MGAT4C: variants seen among roughly 807,000 people sequenced by gnomAD.
MGAT4C encodes alpha-1,3-mannosyl-glycoprotein 4-beta-N-acetylglucosaminyltransferase C.
MGAT4C carries 19 observed loss-of-function variants against 40.1 expected under a neutral mutation model. That is an observed-to-expected ratio of 0.47 (90% CI 0.33 to 0.70). The LOEUF (loss-of-function observed/expected upper bound fraction) is 0.70, where lower values mean the gene tolerates loss of function less well. Among genes scored for constraint, MGAT4C ranks in the 30% least tolerant of loss-of-function variants. The probability of loss-of-function intolerance (pLI) is 0.02; values close to 1 mark genes in which losing one functional copy is unlikely to be tolerated. For synonymous variants in MGAT4C, 181 were observed against 187.1 expected, an observed-to-expected ratio of 0.97 and a Z score of 0.27; for missense variants, 491 against 563.2, an observed-to-expected ratio of 0.87 and a Z score of 1.30.
intron 1 of MGAT4C, among the ~76,000 whole-genome samples, chr12:86,084,983 T>C (rs1019965317): frequency 4.6e-5 from 7 of 152,078 alleles, no homozygotes; most frequent in Admixed American, 2.6e-4. Flanking sequence ...CTGGGTCTGA[T>C]AGACGTTGGT....
intron 3 of MGAT4C, among the ~76,000 whole-genome samples, chr12:86,416,255 T>C (rs1193075465): frequency 6.6e-6 from 1 of 152,046 alleles, no homozygotes; most frequent in African/African-American, 2.4e-5. Flanking sequence ...GGAAAAAATG[T>C]GATAAGCTTT....
intron 1 of MGAT4C, among the ~76,000 whole-genome samples, chr12:86,745,827 C>G (rs1951144588): frequency 6.6e-6 from 1 of 151,646 alleles, no homozygotes; most frequent in Non-Finnish European, 1.5e-5. Context: ...AATACCCCCA[C>G]ATGAATCAAT....
intron 4 of MGAT4C, among the ~76,000 whole-genome samples, chr12:86,305,490 T>A (rs1953914175): frequency 6.7e-6 from 1 of 149,900 alleles, no homozygotes; most frequent in East Asian, 2.0e-4. Flanking sequence ...GTTTTGATTA[T>A]GGGAATAAAG....
chr12:86,570,943 A>T (rs2136421579), intron 2 of MGAT4C, among the ~76,000 whole-genome samples: 1 of 152,046 alleles, frequency 6.6e-6, no homozygotes, highest in African/African-American at 2.4e-5. Flanking sequence ...ACTCCCAAGT[A>T]CCTGGAATTA....
intron 3 of MGAT4C, among the ~76,000 whole-genome samples, chr12:86,397,119 C>T (rs1310454396): frequency 2.0e-5 from 3 of 152,012 alleles, no homozygotes; most frequent in Non-Finnish European, 4.4e-5. Context: ...GGAACATTTG[C>T]CTTTATAGCA....
intron 2 of MGAT4C, among the ~76,000 whole-genome samples, chr12:86,489,260 C>G (rs951050689): frequency 2.6e-5 from 4 of 152,292 alleles, no homozygotes; most frequent in Admixed American, 2.6e-4. Context: ...GCAACTTACA[C>G]TTCGTGTCCC....
At chr12:86,102,821 A>T (rs1565984280) in intron 1 of MGAT4C, among the ~76,000 whole-genome samples, 1 of 152,048 alleles carries the variant, frequency 6.6e-6, no homozygotes, top group Non-Finnish European at 1.5e-5. Flanking sequence ...CCATTTTAAC[A>T]TTTACCAGTT....
At chr12:86,614,110 T>C (rs1262380513) in intron 2 of MGAT4C, among the ~76,000 whole-genome samples, 1 of 152,142 alleles carries the variant, frequency 6.6e-6, no homozygotes, top group Admixed American at 6.5e-5. Context: ...TAAAGAAAAG[T>C]AATTAGATAA....
At chr12:86,587,239 G>T (rs2136442247) in intron 2 of MGAT4C, among the ~76,000 whole-genome samples, 1 of 151,914 alleles carries the variant, frequency 6.6e-6, no homozygotes, top group South Asian at 2.1e-4. Context: ...TTTTTCTCAG[G>T]TTTGTCAAAG....
intron 3 of MGAT4C, among the ~76,000 whole-genome samples, chr12:85,985,361 T>A (rs1387520780): frequency 6.6e-6 from 1 of 152,194 alleles, no homozygotes; most frequent in Non-Finnish European, 1.5e-5. Flanking sequence ...TGACTATTCT[T>A]AGAATAAAAA....
At chr12:86,811,549 C>T (rs1952474922) in intron 1 of MGAT4C, among the ~76,000 whole-genome samples, 1 of 150,848 alleles carries the variant, frequency 6.6e-6, no homozygotes, top group South Asian at 2.1e-4. Flanking sequence ...ACCATGTTGG[C>T]CAGGCTGGTC....
rs576500612 is a variant in MGAT4C at position 85,977,118 on chromosome 12, T to C, written c.*2171A>G. ...CATAATTTCCTAGCAAACATCCAAC[T>C]TCACTGCTACCCTCAGCAATGTTTC... On this transcript the variant is annotated 3_prime_UTR_variant, in exon 5 of 5. Transcript: ENST00000611864. The C allele has an allele frequency of 6.6e-6, 1 of 151,326 alleles. No individual in the cohort carries two copies. Among genetic ancestry groups the C allele is most frequent in the Non-Finnish European group, 1.5e-5 (1 of 67,412 alleles). 9.4% of individuals were successfully genotyped at this position (151,326 alleles called of 1,614,324 possible).
chr12:85,983,974 A>G (rs1443141470), intron 3 of MGAT4C, among the ~76,000 whole-genome samples: 1 of 152,200 alleles, frequency 6.6e-6, no homozygotes, highest in African/African-American at 2.4e-5. Context: ...GAAAACTCCC[A>G]CTGCCTTTAT....
chr12:86,059,493 G>A (rs1893729589), intron 1 of MGAT4C, among the ~76,000 whole-genome samples: 1 of 152,160 alleles, frequency 6.6e-6, no homozygotes, highest in Non-Finnish European at 1.5e-5. Context: ...AGTGTTTCCG[G>A]TTTCCTTTCT....
At position 85,982,568 on chromosome 12, in the gene MGAT4C, T is replaced by C. The variant is rs142382470; in HGVS notation, c.295+955A>G. Among the ~76,000 whole-genome samples, 1,080 of 152,328 alleles carry C rather than the reference T, an allele frequency of 7.1e-3. 13 individuals are homozygous for C. Among genetic ancestry groups the C allele is most frequent in the African/African-American group, 0.024 (1,005 of 41,576 alleles). ...TCAACAGCGTTATAATTAAAATTGG[T>C]AATGCTTATACTTTCTTAGTGGTAT... On this transcript the variant is annotated intron_variant, in intron 4 of 4. Coordinates refer to ENST00000611864, the MANE Select transcript of MGAT4C (RefSeq NM_001351288.2).
intron 1 of MGAT4C, among the ~76,000 whole-genome samples, chr12:86,216,722 G>A (rs1013475817): frequency 6.6e-6 from 1 of 152,030 alleles, no homozygotes; most frequent in Non-Finnish European, 1.5e-5. Flanking sequence ...AAACTAACCT[G>A]AATACTTTTC....
At chr12:86,536,869 T>C (rs1381574692) in intron 2 of MGAT4C, among the ~76,000 whole-genome samples, 1 of 152,224 alleles carries the variant, frequency 6.6e-6, no homozygotes, top group Non-Finnish European at 1.5e-5. Flanking sequence ...CATTACTGGG[T>C]ATATACCCAA....
chr12:86,614,062 G>C (rs1478986017), intron 2 of MGAT4C, among the ~76,000 whole-genome samples: 3 of 152,112 alleles, frequency 2.0e-5, no homozygotes, highest in African/African-American at 7.2e-5. Flanking sequence ...GCTAAAAATG[G>C]AATGTAAATT....
At chr12:86,662,278 A>C (rs891245023) in intron 2 of MGAT4C, among the ~76,000 whole-genome samples, 9 of 152,210 alleles carry the variant, frequency 5.9e-5, no homozygotes, top group Non-Finnish European at 1.2e-4. Context: ...TATTTGGAGG[A>C]AAAAAGAATT....
Sources: allele counts gnomAD v4.1 joint callset (sites outside exome capture counted in the v4.1 genomes callset), GRCh38; gene constraint gnomAD v4.1.1; transcripts MANE v1.5; gene names NCBI Gene and HGNC (gene_info 2026-07-23, HGNC 2026-07-21).